MCM5: variants seen among roughly 807,000 people sequenced by gnomAD.
MCM5 encodes the protein DNA replication licensing factor MCM5.
In MCM5, 46 loss-of-function variants were observed where a neutral mutation model predicts 79.9. That is an observed-to-expected ratio of 0.58 (90% CI 0.45 to 0.74). The LOEUF (loss-of-function observed/expected upper bound fraction) is 0.74. MCM5 is among the 30% of genes least tolerant of loss of function. The pLI is 0.00. For missense variants in MCM5, 883 were observed against 1,017.0 expected (o/e 0.87, Z 1.79); for synonymous variants, 404 against 390.5 (o/e 1.03, Z -0.41).
Position 35,421,447 on chromosome 22 carries a change from C to T in MCM5, c.1962C>T (p.Ser654=), listed in dbSNP as rs767062774. 17 of 1,614,122 alleles carry T rather than the reference C, an allele frequency of 1.1e-5. No individual in the cohort carries two copies. Among genetic ancestry groups the T allele is most frequent in the African/African-American group, 9.3e-5 (7 of 75,054 alleles). ...FQVSTLDAAL[S]GTLSGVEGFT... ...TGTCCACGTTGGATGCTGCCTTGTCCGGTACCCTGTCAGGTGAGCAGATGC... is the reference window on the plus strand; with the variant it reads ...TGTCCACGTTGGATGCTGCCTTGTCTGGTACCCTGTCAGGTGAGCAGATGC... The change falls in exon 15 of 17, where the codon TCC becomes TCT. Residue 654 remains serine, a synonymous_variant. Coordinates refer to ENST00000216122, the MANE Select transcript of MCM5 (RefSeq NM_006739.4).
the MCM5 span, among the ~76,000 whole-genome samples, chr22:35,442,426 C>A: frequency 9.9e-5 from 15 of 152,018 alleles, no homozygotes; most frequent in Non-Finnish European, 1.8e-4. Context: ...TGTTTCTATT[C>A]TCTTACGGTT....
chr22:35,448,169 A>T, the MCM5 span, among the ~76,000 whole-genome samples: 1 of 152,178 alleles, frequency 6.6e-6, no homozygotes, highest in South Asian at 2.1e-4. Context: ...CGGACTCTCT[A>T]TGTCTCAGTT....
rs765350342 is a variant in MCM5 at position 35,421,422 on chromosome 22, T to C, written c.1937T>C (p.Val646Ala). ...GAGGAGGCCCTGCGGCTCTTCCAAG[T>C]GTCCACGTTGGATGCTGCCTTGTCC... ...DVEEALRLFQ[V>A]STLDAALSGT... The change falls in exon 15 of 17, where the codon GTG becomes GCG. Residue 646 changes from valine to alanine, a missense_variant. Transcript: ENST00000216122. 2.5e-6 allele frequency: 4 copies of C among 1,614,168 alleles called. No individual in the cohort carries two copies. The highest frequency in any genetic ancestry group is 3.4e-6 in the Non-Finnish European group (4 of 1,180,038).
Position 35,416,871 on chromosome 22 carries a change from T to C in MCM5, c.1590+57T>C. 15 of 1,583,512 alleles carry C rather than the reference T, an allele frequency of 9.5e-6. No homozygotes were observed. In the South Asian group the frequency reaches 1.2e-4, roughly 13 times the overall value. On this transcript the variant is annotated intron_variant, in intron 12 of 16. Coordinates refer to ENST00000216122, the MANE Select transcript of MCM5 (RefSeq NM_006739.4). ...GACCTGCCTCCAGGCAGGCTTGTGATTGTGTGGGAAGGAGAATGGAGAACA... is the reference window on the plus strand; with the variant it reads ...GACCTGCCTCCAGGCAGGCTTGTGACTGTGTGGGAAGGAGAATGGAGAACA...
the MCM5 span, among the ~76,000 whole-genome samples, chr22:35,443,794 C>T: frequency 6.6e-6 from 1 of 152,200 alleles, no homozygotes; most frequent in African/African-American, 2.4e-5. Context: ...CTGCCTCCCG[C>T]ACTGCATGTG....
intron 6 of MCM5, 138 bp downstream of exon 6, chr22:35,408,701 C>G: frequency 1.2e-6 from 1 of 847,776 alleles, no homozygotes. Flanking sequence ...AGCACCTGCT[C>G]TGTGCCTAAT....
At chr22:35,448,074 G>T in the MCM5 span, among the ~76,000 whole-genome samples, 1 of 152,196 alleles carries the variant, frequency 6.6e-6, no homozygotes, top group Non-Finnish European at 1.5e-5. Context: ...CACACATGCG[G>T]TGTCTCATGT....
chr22:35,416,079 C>A, intron 10 of MCM5, 107 bp downstream of exon 10: 1 of 1,396,326 alleles, frequency 7.2e-7, no homozygotes, highest in Non-Finnish European at 1.0e-6. Flanking sequence ...GACATGTTTT[C>A]AATCCCTGGG....
the MCM5 span, among the ~76,000 whole-genome samples, chr22:35,452,037 C>T: frequency 6.2e-4 from 94 of 152,326 alleles, no homozygotes; most frequent in African/African-American, 2.0e-3. Flanking sequence ...CAGCCCCTGG[C>T]TTCTGCCCTT....
At chr22:35,453,941 T>G in the MCM5 span, among the ~76,000 whole-genome samples, 1 of 151,280 alleles carries the variant, frequency 6.6e-6, no homozygotes, top group Non-Finnish European at 1.5e-5. Context: ...GTCTGGAGAC[T>G]TCGGGGGACA....
intron 8 of MCM5, among the ~76,000 whole-genome samples, 172 bp downstream of exon 8, chr22:35,412,853 T>A (rs1932427050): frequency 6.6e-6 from 1 of 152,154 alleles, no homozygotes. Flanking sequence ...TAGTGGCTGA[T>A]CTGCGCACCT....
intron 14 of MCM5, among the ~76,000 whole-genome samples, chr22:35,420,760 T>G (rs1048600253): frequency 1.3e-5 from 2 of 152,202 alleles, no homozygotes; most frequent in African/African-American, 2.4e-5. Flanking sequence ...TGCCATAGAT[T>G]GGTCACACAA....
the MCM5 span, among the ~76,000 whole-genome samples, chr22:35,451,371 A>C: frequency 7.9e-5 from 12 of 152,276 alleles, no homozygotes; most frequent in Non-Finnish European, 1.6e-4. Flanking sequence ...ATCCTCAGCA[A>C]GGCGAAGAGA....
rs758168847 is a variant in MCM5, at chr22:35,421,343, G to A, written c.1858G>A (p.Ala620Thr). ...VRQLEAIVRIAEALSKMKLQP... is the reference protein window; with the variant it reads ...VRQLEAIVRITEALSKMKLQP... ...GCAGCTGGAGGCCATTGTGCGCATC[G>A]CGGAAGCCCTCAGCAAGATGAAGCT... is the stretch of plus-strand genomic sequence containing the variant. The change falls in exon 15 of 17, where the codon GCG (alanine) becomes ACG (threonine). Residue 620 changes from alanine to threonine, a missense_variant. Coordinates refer to ENST00000216122, the MANE Select transcript of MCM5 (RefSeq NM_006739.4). 1.1e-5 allele frequency: 18 copies of A among 1,613,574 alleles called. No individual in the cohort carries two copies. The Admixed American group carries it at 1.2e-4, about 10-fold the overall frequency.
rs748906363 is a variant in MCM5 at position 35,425,096 on chromosome 22, A to G, written c.*841A>G. 6.6e-6 allele frequency: 1 copy of G among 152,142 alleles called. No individual in the cohort carries two copies. Among genetic ancestry groups the G allele is most frequent in the African/African-American group, 2.4e-5 (1 of 41,436 alleles). The allele number at this position is 152,142 out of a possible 1,614,324, so 9.4% of individuals were successfully genotyped here. A position where few individuals can be genotyped will look rare whatever the true frequency, so the allele number is the denominator to read the frequency against. ...GGGGGATTCCTCACCCTGAGTTGTG[A>G]GGATTGAATGACAGAAGGCACTAGT... On this transcript the variant is annotated 3_prime_UTR_variant, in exon 17 of 17. Coordinates refer to ENST00000216122, the MANE Select transcript of MCM5 (RefSeq NM_006739.4).
At chr22:35,440,358 G>A in the MCM5 span, among the ~76,000 whole-genome samples, 12 of 152,200 alleles carry the variant, frequency 7.9e-5, no homozygotes, top group Non-Finnish European at 1.2e-4. Flanking sequence ...TATTTCTCTG[G>A]ACCTCAGGTC....
the MCM5 span, among the ~76,000 whole-genome samples, chr22:35,447,193 C>T: frequency 1.3e-5 from 2 of 152,006 alleles, no homozygotes; most frequent in Non-Finnish European, 2.9e-5. Flanking sequence ...GAGGATTCGA[C>T]ATGAAGCTGT....
At position 35,406,535 on chromosome 22, in the gene MCM5, C is replaced by T. The variant is rs1437857567; in HGVS notation, c.424-18C>T. ...TGGCTCCCCTTAACCAACAAGCTTCCCGATGGCTCTATTACAGTCGGACAT... is the reference window on the plus strand; with the variant it reads ...TGGCTCCCCTTAACCAACAAGCTTCTCGATGGCTCTATTACAGTCGGACAT... On this transcript the variant is annotated intron_variant, in intron 4 of 16. Coordinates refer to ENST00000216122, the MANE Select transcript of MCM5 (RefSeq NM_006739.4). 6.2e-7 allele frequency: 1 copy of T among 1,604,400 alleles called. No individual in the cohort carries two copies. Among genetic ancestry groups the T allele is most frequent in the East Asian group, 2.2e-5 (1 of 44,682 alleles).
chr22:35,408,695 C>G, intron 6 of MCM5, 132 bp downstream of exon 6: 4 of 895,008 alleles, frequency 4.5e-6, no homozygotes, highest in Non-Finnish European at 6.7e-6. Context: ...TTGCAGAGCA[C>G]CTGCTCTGTG....
Sources: allele counts gnomAD v4.1 joint callset (sites outside exome capture counted in the v4.1 genomes callset), GRCh38; gene constraint gnomAD v4.1.1; transcripts MANE v1.5; gene names NCBI Gene and HGNC (gene_info 2026-07-23, HGNC 2026-07-21).